Variants in SLC9A9 observed in about 807,000 individuals in gnomAD.
The protein encoded by SLC9A9 is sodium/hydrogen exchanger 9.
Under a neutral mutation model 77.8 loss-of-function variants are expected in SLC9A9, and 62 were observed. The ratio of observed to expected loss-of-function variants is 0.80; its 90% CI spans 0.65 to 0.98. SLC9A9 has a LOEUF of 0.98. SLC9A9 is among the 50% of genes least tolerant of loss of function. The pLI, the probability that SLC9A9 is intolerant of heterozygous loss-of-function variation, is 0.00. For synonymous variants in SLC9A9, 320 were observed against 283.5 expected, an observed-to-expected ratio of 1.13 and a Z score of -1.29; for missense variants, 775 against 774.9, an observed-to-expected ratio of 1.00 and a Z score of 0.00.
chr3:143,749,029 A>T (rs934995223), intron 4 of SLC9A9, among the ~76,000 whole-genome samples: 14 of 152,128 alleles, frequency 9.2e-5, no homozygotes, highest in African/African-American at 3.4e-4. Flanking sequence ...CTGAACTTCA[A>T]GTCTTTTTTT....
At chr3:143,435,676 T>C (rs2108540165) in intron 12 of SLC9A9, among the ~76,000 whole-genome samples, 1 of 152,284 alleles carries the variant, frequency 6.6e-6, no homozygotes, top group South Asian at 2.1e-4. Context: ...TTTTGGGTGA[T>C]ATGGGGCCTT....
intron 1 of SLC9A9, chr3:143,847,940 C>T (rs1436369451): frequency 1.6e-6 from 1 of 611,050 alleles, no homozygotes; most frequent in African/African-American, 1.8e-5. Flanking sequence ...GAGAACATGA[C>T]TGTGACATTT....
intron 4 of SLC9A9, among the ~76,000 whole-genome samples, chr3:143,781,786 G>T (rs2007890036): frequency 6.6e-6 from 1 of 152,212 alleles, no homozygotes; most frequent in Admixed American, 6.5e-5. Flanking sequence ...TCATGTTCAT[G>T]ATTCTGTTGA....
At chr3:143,730,495 T>C (rs185399429) in intron 4 of SLC9A9, among the ~76,000 whole-genome samples, 14 of 152,290 alleles carry the variant, frequency 9.2e-5, no homozygotes, top group South Asian at 2.1e-4. Context: ...GCCTAGAACA[T>C]CCTTTCTTCT....
intron 9 of SLC9A9, among the ~76,000 whole-genome samples, chr3:143,527,544 CA>C (rs1439478048): frequency 5.3e-5 from 8 of 152,162 alleles, no homozygotes; most frequent in African/African-American, 1.9e-4. Context: ...AGGTCTCATA[CA>C]ATGAAGATAT....
intron 12 of SLC9A9, among the ~76,000 whole-genome samples, chr3:143,446,967 G>A (rs1265641919): frequency 1.3e-5 from 2 of 152,264 alleles, no homozygotes; most frequent in South Asian, 4.1e-4. Flanking sequence ...AGGGTTATAT[G>A]TGTGACAAAG....
At chr3:143,589,809 C>A (rs1176054136) in intron 6 of SLC9A9, among the ~76,000 whole-genome samples, 1 of 152,120 alleles carries the variant, frequency 6.6e-6, no homozygotes, top group Non-Finnish European at 1.5e-5. Flanking sequence ...CAAGGGAAAG[C>A]CTGTGACTGG....
intron 14 of SLC9A9, among the ~76,000 whole-genome samples, chr3:143,314,720 T>G (rs58357314): frequency 0.12 from 18,426 of 152,290 alleles, 1,239 homozygotes; most frequent in East Asian, 0.21. Context: ...AATTCTTCCC[T>G]GCTAGCTGCT....
At chr3:143,613,201 G>T (rs1442596749) in intron 6 of SLC9A9, among the ~76,000 whole-genome samples, 1 of 152,198 alleles carries the variant, frequency 6.6e-6, no homozygotes, top group Non-Finnish European at 1.5e-5. Context: ...ACTCAAAGAG[G>T]TCTGAGGTGT....
chr3:143,648,679 G>A (rs543177964), intron 6 of SLC9A9, among the ~76,000 whole-genome samples: 1 of 152,292 alleles, frequency 6.6e-6, no homozygotes, highest in Non-Finnish European at 1.5e-5. Flanking sequence ...CTCAGCTCAT[G>A]TGCTTCCAAT....
chr3:143,489,304 T>C (rs532992736), intron 11 of SLC9A9, among the ~76,000 whole-genome samples: 85 of 152,090 alleles, frequency 5.6e-4, no homozygotes, highest in Non-Finnish European at 7.2e-4. Flanking sequence ...AAGATGTTAA[T>C]ACAACCCAAA....
At chr3:143,788,058 A>T (rs1326005802) in intron 4 of SLC9A9, among the ~76,000 whole-genome samples, 2 of 152,116 alleles carry the variant, frequency 1.3e-5, no homozygotes, top group African/African-American at 4.8e-5. Context: ...CCAATAAAAT[A>T]AAATTAAAAG....
chr3:143,456,501 G>A (rs773035978), intron 12 of SLC9A9, among the ~76,000 whole-genome samples: 7 of 151,818 alleles, frequency 4.6e-5, no homozygotes, highest in Admixed American at 1.3e-4. Flanking sequence ...ATTTGCCAGT[G>A]AAACCATCTG....
intron 6 of SLC9A9, among the ~76,000 whole-genome samples, chr3:143,593,057 G>C (rs144305593): frequency 2.0e-5 from 3 of 152,140 alleles, no homozygotes; most frequent in South Asian, 2.1e-4. Flanking sequence ...TGGGTTAAAA[G>C]GAGAGAATTA....
At chr3:143,359,974 T>C (rs2032699589) in intron 14 of SLC9A9, among the ~76,000 whole-genome samples, 1 of 152,334 alleles carries the variant, frequency 6.6e-6, no homozygotes, top group South Asian at 2.1e-4. Context: ...GACTGTATCA[T>C]GTAAGGAGTC....
Position 143,754,955 on chromosome 3 carries a change from G to A in SLC9A9, c.533+40046C>T, listed in dbSNP as rs144423424. 2.2e-3 allele frequency among the ~76,000 whole-genome samples: 340 copies of A among 152,178 alleles called. 1 individual carries two copies. The highest frequency in any genetic ancestry group is 7.7e-3 in the African/African-American group (320 of 41,538). Reference sequence around the variant, plus strand: ...GCCTAACATAGCATTTATTTCTGTCGTAGAGAAATCCAACCTTGCTTGACT... The same window carrying A: ...GCCTAACATAGCATTTATTTCTGTCATAGAGAAATCCAACCTTGCTTGACT... On this transcript the variant is annotated intron_variant, in intron 4 of 15. Coordinates refer to ENST00000316549, the MANE Select transcript of SLC9A9 (RefSeq NM_173653.4).
chr3:143,827,305 A>T (rs2009324428), intron 2 of SLC9A9, among the ~76,000 whole-genome samples: 1 of 152,254 alleles, frequency 6.6e-6, no homozygotes, highest in Non-Finnish European at 1.5e-5. Flanking sequence ...CTGAACAGAT[A>T]CAGAGCAACA....
chr3:143,537,647 T>G (rs1405660047), intron 9 of SLC9A9, among the ~76,000 whole-genome samples: 1 of 152,122 alleles, frequency 6.6e-6, no homozygotes, highest in African/African-American at 2.4e-5. Context: ...TCCCTTAGAG[T>G]TGAGCATCCA....
chr3:143,322,339 C>A (rs1461884458), intron 14 of SLC9A9, among the ~76,000 whole-genome samples: 2 of 152,144 alleles, frequency 1.3e-5, no homozygotes, highest in Non-Finnish European at 2.9e-5. Flanking sequence ...AGTCTTCAAT[C>A]TCTCTGGCTT....
Sources: allele counts gnomAD v4.1 joint callset (sites outside exome capture counted in the v4.1 genomes callset), GRCh38; gene constraint gnomAD v4.1.1; transcripts MANE v1.5; gene names NCBI Gene and HGNC (gene_info 2026-07-23, HGNC 2026-07-21).